IDO2: variants seen among roughly 807,000 people sequenced by gnomAD.
IDO2 encodes indoleamine 2,3-dioxygenase-like 1 protein.
IDO2 carries 46 observed loss-of-function variants against 45.1 expected under a neutral mutation model. The observed-to-expected ratio is 1.02, with a 90% CI of 0.80 to 1.30. The LOEUF is 1.30. Ranked by LOEUF, IDO2 falls within the 50% of genes most tolerant of loss-of-function variation. The pLI is 0.00. For synonymous variants in IDO2, 218 were observed against 184.9 expected, an observed-to-expected ratio of 1.18 and a Z score of -1.45; for missense variants, 544 against 491.8, an observed-to-expected ratio of 1.11 and a Z score of -1.00.
At position 39,962,518 on chromosome 8, in the gene IDO2, T is replaced by G. The variant is rs748190506; in HGVS notation, c.100-1090T>G. On this transcript the variant is annotated intron_variant, in intron 2 of 10. Coordinates refer to ENST00000502986, the Ensembl canonical transcript of IDO2. ...GGCTCATCTTTCATCATCCTTTTGA[T>G]GCAGGATTTTCTGCTCCTCAGCTCA... Among the ~76,000 whole-genome samples the G allele has an allele frequency of 1.2e-4, 19 of 152,348 alleles. No individual in the cohort carries two copies. In the South Asian group the frequency reaches 1.9e-3, roughly 15 times the overall value.
intron 3 of IDO2, among the ~76,000 whole-genome samples, chr8:39,973,366 T>A (rs912105323): frequency 6.6e-6 from 1 of 152,134 alleles, no homozygotes; most frequent in African/African-American, 2.4e-5. Context: ...GACATCCCAG[T>A]AGCAATGAGC....
chr8:40,012,689 A>C (rs143248214), intron 9 of IDO2, among the ~76,000 whole-genome samples: 34 of 152,274 alleles, frequency 2.2e-4, no homozygotes, highest in Admixed American at 3.3e-4. Context: ...GGGGGAACTC[A>C]GAGAAAACAG....
At chr8:39,958,989 C>G (rs1333918765) in intron 2 of IDO2, among the ~76,000 whole-genome samples, 4 of 152,154 alleles carry the variant, frequency 2.6e-5, no homozygotes, top group Non-Finnish European at 5.9e-5. Context: ...GGAGCATTGT[C>G]TCAACCATCT....
rs1808277113 is a variant in IDO2, at chr8:39,977,504, A to T, written c.196-1563A>T. On this transcript the variant is annotated intron_variant, in intron 3 of 10. Transcript: ENST00000502986. ...AGACTAACCTGGGCAACATAGTGAG[A>T]CCCCCATCCCTACAAACAATTTTAA... 5.9e-5 allele frequency among the ~76,000 whole-genome samples: 9 copies of T among 152,236 alleles called. 1 individual carries two copies. In the South Asian group the frequency reaches 1.9e-3, roughly 32 times the overall value.
intron 9 of IDO2, 63 bp downstream of exon 9, chr8:40,005,441 G>T (rs1378780763): frequency 9.3e-7 from 1 of 1,079,504 alleles, no homozygotes; most frequent in South Asian, 2.1e-5. Context: ...ATGTATAAGG[G>T]GACGAAGAGA....
intron 1 of IDO2, among the ~76,000 whole-genome samples, chr8:39,947,030 C>T (rs1435241511): frequency 6.6e-6 from 1 of 151,812 alleles, no homozygotes; most frequent in Non-Finnish European, 1.5e-5. Context: ...GTGGTGGGTG[C>T]CTACAATCCC....
intron 1 of IDO2, among the ~76,000 whole-genome samples, chr8:39,948,072 G>A (rs1277329258): frequency 6.6e-6 from 1 of 152,044 alleles, no homozygotes; most frequent in Non-Finnish European, 1.5e-5. Context: ...AAAGTGGCGT[G>A]AGCCACTGCG....
intron 1 of IDO2, among the ~76,000 whole-genome samples, chr8:39,935,963 C>T (rs1266248101): frequency 6.6e-6 from 1 of 152,168 alleles, no homozygotes; most frequent in Non-Finnish European, 1.5e-5. Context: ...AATGAACATA[C>T]TTCATCCAGA....
chr8:39,987,762 G>T, intron 6 of IDO2, 109 bp from the exon 7 acceptor site: 1 of 649,506 alleles, frequency 1.5e-6, no homozygotes, highest in Non-Finnish European at 2.8e-6. Flanking sequence ...GGAGAAAGTT[G>T]TGCAGTGATT....
At chr8:39,962,482 G>A (rs1176570321) in intron 2 of IDO2, among the ~76,000 whole-genome samples, 5 of 152,182 alleles carry the variant, frequency 3.3e-5, no homozygotes, top group Admixed American at 6.5e-5. Context: ...CACATTTCAT[G>A]TAACTTTCTA....
At chr8:39,980,327 TG>T (rs1808324514) in intron 4 of IDO2, among the ~76,000 whole-genome samples, 1 of 152,216 alleles carries the variant, frequency 6.6e-6, no homozygotes, top group African/African-American at 2.4e-5. Context: ...CCAGGTCTTC[TG>T]ATTTTACTAG....
At chr8:39,949,749 C>T (rs997974563) in intron 2 of IDO2, among the ~76,000 whole-genome samples, 3 of 152,106 alleles carry the variant, frequency 2.0e-5, no homozygotes, top group African/African-American at 7.2e-5. Flanking sequence ...TATAAACTGT[C>T]CTGGATCACT....
intron 2 of IDO2, among the ~76,000 whole-genome samples, chr8:39,950,721 A>G (rs535665587): frequency 1.3e-5 from 2 of 152,260 alleles, no homozygotes; most frequent in East Asian, 3.9e-4. Flanking sequence ...CACTTTACCC[A>G]ATCGGCTATT....
intron 3 of IDO2, 138 bp downstream of exon 3, chr8:39,963,841 C>T: frequency 1.8e-6 from 1 of 561,930 alleles, no homozygotes; most frequent in Admixed American, 3.5e-5. Context: ...CTATATCTTC[C>T]TTCCTGAAAA....
At chr8:39,977,211 A>G (rs1808271383) in intron 3 of IDO2, among the ~76,000 whole-genome samples, 1 of 152,210 alleles carries the variant, frequency 6.6e-6, no homozygotes, top group East Asian at 1.9e-4. Context: ...ATAAGTAGTT[A>G]AGACAGTGAA....
intron 2 of IDO2, among the ~76,000 whole-genome samples, chr8:39,952,770 G>C (rs995486914): frequency 6.8e-6 from 1 of 147,856 alleles, no homozygotes; most frequent in Non-Finnish European, 1.5e-5. Flanking sequence ...TGAGGCTCTG[G>C]AGTTCAGATT....
chr8:39,989,751 C>A, exon 8 of IDO2: 1 of 1,600,324 alleles, frequency 6.2e-7, no homozygotes, highest in South Asian at 1.1e-5. Context: ...TGCTATCTTG[C>A]AGCCCAACCA....
chr8:40,002,414 C>G (rs150832802), intron 8 of IDO2, among the ~76,000 whole-genome samples: 6 of 152,170 alleles, frequency 3.9e-5, no homozygotes. Flanking sequence ...CGTCACCTTG[C>G]TTTTCTCCTC....
intron 4 of IDO2, among the ~76,000 whole-genome samples, chr8:39,982,236 G>GTATATATATATATATATATGTA (rs10612525): frequency 7.2e-6 from 1 of 139,624 alleles, no homozygotes; most frequent in Non-Finnish European, 1.6e-5. Context: ...ATATATGTGT[G>GTATATATATATATATATATGTA]TATATATATA....
Sources: allele counts gnomAD v4.1 joint callset (sites outside exome capture counted in the v4.1 genomes callset), GRCh38; gene constraint gnomAD v4.1.1; transcripts MANE v1.5; gene names NCBI Gene and HGNC (gene_info 2026-07-23, HGNC 2026-07-21).